The following ZC3H11A variants were observed in gnomAD, a reference collection of about 807,000 sequenced individuals.
ZC3H11A encodes zinc finger CCCH domain-containing protein 11A.
ZC3H11A carries 22 observed loss-of-function variants against 90.8 expected under a neutral mutation model. The ratio of observed to expected loss-of-function variants is 0.24; its 90% CI spans 0.17 to 0.35. The LOEUF (loss-of-function observed/expected upper bound fraction) is 0.35, where lower values mean the gene tolerates loss of function less well. ZC3H11A is among the 10% of genes least tolerant of loss of function. The pLI is 1.00. For synonymous variants in ZC3H11A, 294 were observed against 339.8 expected, an observed-to-expected ratio of 0.87 and a Z score of 1.48; for missense variants, 701 against 964.9, an observed-to-expected ratio of 0.73 and a Z score of 3.62.
intron 5 of ZC3H11A, 23 bp from the exon 6 acceptor site, chr1:203,829,428 T>C: frequency 6.2e-7 from 1 of 1,613,646 alleles, no homozygotes; most frequent in Non-Finnish European, 8.5e-7. Context: ...GTTTTTAATT[T>C]ATGACTGATT....
At chr1:203,843,887 C>T (rs1687162901) in intron 12 of ZC3H11A, among the ~76,000 whole-genome samples, 1 of 150,766 alleles carries the variant, frequency 6.6e-6, no homozygotes, top group Non-Finnish European at 1.5e-5. Context: ...GATGGAGTTT[C>T]GCTCTTGTTG....
In ZC3H11A at chr1:203,829,855, G is replaced by C; in HGVS notation, c.578G>C (p.Arg193Pro). ...ACTCCTGAAGTTCACAATGGATTAC[G>C]AGTGACTTCTGTCCGGAAACCTGCA... is the stretch of plus-strand genomic sequence containing the variant. ...QPTPEVHNGLRVTSVRKPAVN... is the reference protein window; with the variant it reads ...QPTPEVHNGLPVTSVRKPAVN... The change falls in exon 7 of 18, where the codon CGA (arginine) becomes CCA (proline). Residue 193 changes from arginine to proline, a missense_variant. Physicochemically the swap from Arg to Pro is moderately radical, Grantham distance 103 (BLOSUM62 -2). Transcript: ENST00000367210. 1 of 1,614,086 alleles carries C rather than the reference G, an allele frequency of 6.2e-7. No homozygotes were observed. Among genetic ancestry groups the C allele is most frequent in the Non-Finnish European group, 8.5e-7 (1 of 1,180,014 alleles).
chr1:203,830,196 G>T lies in ZC3H11A; in HGVS notation c.693G>T (p.Lys231Asn), dbSNP rs1362721375. 1.9e-6 allele frequency: 3 copies of T among 1,600,542 alleles called. No homozygotes were observed. The African/African-American group carries it at 4.1e-5, about 22-fold the overall frequency. ...AGAAAATGAAGGAAAAATCTAAGAA[G>T]CAAGGTGGTAAGTCATCACGTTTTG... ...KSKKMKEKSK[K>N]QGEGSSGVSS... The change falls in exon 8 of 18, where the codon AAG (lysine) becomes AAT (asparagine). Residue 231 changes from lysine (K) to asparagine (N), a missense_variant. Lys to Asn is a moderately conservative substitution (Grantham distance 94). Around this residue, in one of 4 missense-constraint regions of ZC3H11A, gnomAD observed 530 missense variants for 696.2 expected, o/e 0.76. Coordinates refer to ENST00000367210, the MANE Select transcript of ZC3H11A (RefSeq NM_001376342.1).
rs193097112 is a variant in ZC3H11A, at chr1:203,851,573, A to G, written c.2174+449A>G. Among the ~76,000 whole-genome samples, 273 of 152,136 alleles carry G rather than the reference A, an allele frequency of 1.8e-3. 1 individual carries two copies. Among genetic ancestry groups the G allele is most frequent in the African/African-American group, 6.2e-3 (256 of 41,508 alleles). Reference sequence around the variant, plus strand: ...TCAAACTCCTGACGTCAAGTGATCCACCTTCCTCGTCTTCCCAAAGTGCTG... The same window carrying G: ...TCAAACTCCTGACGTCAAGTGATCCGCCTTCCTCGTCTTCCCAAAGTGCTG... On this transcript the variant is annotated intron_variant, in intron 17 of 17. Coordinates refer to ENST00000367210, the MANE Select transcript of ZC3H11A (RefSeq NM_001376342.1).
At chr1:203,810,978 A>C (rs1326363286) in intron 2 of ZC3H11A, among the ~76,000 whole-genome samples, 3 of 140,528 alleles carry the variant, frequency 2.1e-5, no homozygotes, top group Admixed American at 7.0e-5. Context: ...TAAAAATACA[A>C]AAAAAAAAAA....
In ZC3H11A at chr1:203,831,740, G is replaced by A. The variant is rs781074284; in HGVS notation, c.780G>A (p.Val260=). The A allele has an allele frequency of 1.2e-6, 2 of 1,612,730 alleles. No homozygotes were observed. The highest frequency in any genetic ancestry group is 3.3e-5 in the Admixed American group (2 of 59,916). ...CTGAAAAAGAAAATGTCAGGACTGT[G>A]GTGAGGACAGTAACTCTCTCCACCA... is the stretch of plus-strand genomic sequence containing the variant. ...PGPEKENVRT[V]VRTVTLSTKQ... Residue 260 remains valine (V), a synonymous_variant, in exon 9 of 18, where the codon GTG becomes GTA. Transcript: ENST00000367210.
intron 9 of ZC3H11A, among the ~76,000 whole-genome samples, chr1:203,832,565 TG>T (rs1347023681): frequency 6.6e-6 from 1 of 152,168 alleles, no homozygotes; most frequent in Admixed American, 6.6e-5. Context: ...TTCACCATGT[TG>T]GCCACACTGG....
rs1266165633 is a variant in ZC3H11A at position 203,819,075 on chromosome 1, A to AT, written c.174+386_174+387insT. On this transcript the variant is annotated intron_variant, in intron 4 of 17. Transcript: ENST00000367210. ...AGAGCAACACTCCGTCTCAAAAAAA[A>AT]AAATATATATATATACACACACACA... Among the ~76,000 whole-genome samples the AT allele has an allele frequency of 1.8e-3, 163 of 92,562 alleles. 1 individual carries two copies. The highest frequency in any genetic ancestry group is 0.014 in the East Asian group (47 of 3,350). The allele number at this position is 92,562 out of a possible 152,430, so 60.7% of individuals were successfully genotyped here.
At chr1:203,852,103 A>T in intron 17 of ZC3H11A, 38 bp from the exon 18 acceptor site, 1 of 1,611,160 alleles carries the variant, frequency 6.2e-7, no homozygotes, top group Non-Finnish European at 8.5e-7. Context: ...AACTATTTTT[A>T]AAACGGCAGT....
intron 3 of ZC3H11A, 142 bp from the exon 4 acceptor site, chr1:203,818,428 C>A: frequency 9.1e-7 from 1 of 1,099,838 alleles, no homozygotes; most frequent in Non-Finnish European, 1.3e-6. Context: ...TTGTTCCTGT[C>A]ATTCCATGTC....
At chr1:203,847,818 T>C (rs1038559595) in intron 13 of ZC3H11A, 131 bp downstream of exon 13, 1 of 1,381,700 alleles carries the variant, frequency 7.2e-7, no homozygotes, top group Admixed American at 2.6e-5. Flanking sequence ...CTGAATTAAA[T>C]GAAGTTTTTC....
intron 14 of ZC3H11A, among the ~76,000 whole-genome samples, chr1:203,849,302 C>T (rs1266038483): frequency 6.6e-6 from 1 of 152,172 alleles, no homozygotes; most frequent in African/African-American, 2.4e-5. Flanking sequence ...TTTAACTTTA[C>T]CATGTTAATA....
chr1:203,847,522 G>C lies in ZC3H11A; in HGVS notation c.1381G>C (p.Gly461Arg), dbSNP rs762233475. Residue 461 changes from glycine (G) to arginine (R), a missense_variant, in exon 13 of 18, where the codon GGT (glycine) becomes CGT (arginine). Gly to Arg is a moderately radical substitution (Grantham distance 125, BLOSUM62 -2). Around this residue, in one of 4 missense-constraint regions of ZC3H11A, gnomAD observed 530 missense variants for 696.2 expected, o/e 0.76. Transcript: ENST00000367210. ...CAGAGGACAATCAGAGGAGCCTGCA[G>C]GTAAAACAAAGTCTATGCAGGAGGT... ...ASRGQSEEPAGKTKSMQEVHI... is the reference protein window; with the variant it reads ...ASRGQSEEPARKTKSMQEVHI... 16 of 1,613,814 alleles carry C rather than the reference G, an allele frequency of 9.9e-6. No homozygotes were observed.
intron 1 of ZC3H11A, chr1:203,798,585 A>G: frequency 2.0e-6 from 3 of 1,536,178 alleles, no homozygotes; most frequent in Non-Finnish European, 2.6e-6. Context: ...GTCTACAGGC[A>G]GCCAAGATTT....
At chr1:203,824,399 GAGA>G (rs1679803560) in intron 4 of ZC3H11A, among the ~76,000 whole-genome samples, 1 of 152,172 alleles carries the variant, frequency 6.6e-6, no homozygotes. Flanking sequence ...TGTCAGGGAT[GAGA>G]AGGAGTCTTT....
intron 2 of ZC3H11A, among the ~76,000 whole-genome samples, chr1:203,808,099 T>G (rs543711286): frequency 6.6e-6 from 1 of 152,278 alleles, no homozygotes; most frequent in African/African-American, 2.4e-5. Context: ...TTTTCTTAAG[T>G]TAGAATATTT....
chr1:203,830,077 A>T, intron 7 of ZC3H11A, 46 bp from the exon 8 acceptor site: 3 of 1,484,728 alleles, frequency 2.0e-6, no homozygotes, highest in South Asian at 2.4e-5. Flanking sequence ...AAATACAAAG[A>T]TGAAAAGGCT....
chr1:203,821,963 T>C (rs1678890898), intron 4 of ZC3H11A, among the ~76,000 whole-genome samples: 1 of 152,160 alleles, frequency 6.6e-6, no homozygotes, highest in Non-Finnish European at 1.5e-5. Context: ...TTCACCGTGT[T>C]AGCCAGGATG....
At chr1:203,805,615 AATGT>A in intron 2 of ZC3H11A, 3 of 668,270 alleles carry the variant, frequency 4.5e-6, no homozygotes, top group Non-Finnish European at 8.5e-6. Context: ...CTTAAATGCA[AATGT>A]ATGAAGCAGG....
Sources: gnomAD v4.1 joint callset for allele counts (sites outside exome capture counted in the v4.1 genomes callset) on GRCh38, gnomAD v4.1.1 for gene constraint, gnomAD v4.1.1 regional missense constraint, MANE v1.5 for transcripts, NCBI Gene and HGNC (gene_info 2026-07-23, HGNC 2026-07-21) for gene names.